The following MED27 variants were observed in gnomAD, a reference collection of about 807,000 sequenced individuals.
The protein encoded by MED27 is mediator complex subunit 27.
A neutral mutation model predicts 38.2 loss-of-function variants in MED27; 30 were observed. The observed-to-expected ratio is 0.79, with a 90% CI of 0.59 to 1.07. MED27 has a LOEUF of 1.07. MED27 is among the 50% of genes least tolerant of loss of function. The pLI is 0.00. For missense variants in MED27, 289 were observed against 397.5 expected, an observed-to-expected ratio of 0.73 and a Z score of 2.32; for synonymous variants, 122 against 153.5, an observed-to-expected ratio of 0.79 and a Z score of 1.52.
At chr9:131,914,863 T>C (rs186002553) in intron 4 of MED27, among the ~76,000 whole-genome samples, 47 of 152,240 alleles carry the variant, frequency 3.1e-4, no homozygotes, top group Non-Finnish European at 6.0e-4. Context: ...GATATGCTTC[T>C]CAGGAAGAAC....
intron 3 of MED27, among the ~76,000 whole-genome samples, chr9:131,941,814 TG>T (rs1830790263): frequency 7.1e-6 from 1 of 140,930 alleles, no homozygotes; most frequent in African/African-American, 2.7e-5. Context: ...CCCATTCTGC[TG>T]AATTTTTTTT....
At chr9:131,894,122 C>T in intron 4 of MED27, 130 bp from the exon 5 acceptor site, 1 of 647,036 alleles carries the variant, frequency 1.5e-6, no homozygotes. Flanking sequence ...GTGGATCCTC[C>T]AGCACTGGAA....
chr9:132,008,127 T>C (rs1405067794), intron 3 of MED27, among the ~76,000 whole-genome samples: 1 of 152,332 alleles, frequency 6.6e-6, no homozygotes, highest in African/African-American at 2.4e-5. Context: ...TGCTAGGCCA[T>C]TCAGCCTGGC....
chr9:131,885,990 T>A (rs948390279), intron 5 of MED27, among the ~76,000 whole-genome samples: 3 of 152,146 alleles, frequency 2.0e-5, no homozygotes, highest in African/African-American at 7.2e-5. Context: ...TAGGCCTGTG[T>A]GGTGTGTGAT....
chr9:131,982,189 A>G lies in MED27; in HGVS notation c.479+32148T>C, dbSNP rs1278924544. Reference sequence around the variant, plus strand: ...TAAACAATAAAACATGGCAGAATTGACATGGTGTCAGTTCCAGGCCTAAGC... The same window carrying G: ...TAAACAATAAAACATGGCAGAATTGGCATGGTGTCAGTTCCAGGCCTAAGC... On this transcript the variant is annotated intron_variant, in intron 3 of 7. Coordinates refer to ENST00000292035, the MANE Select transcript of MED27 (RefSeq NM_004269.4). This position sits in a 1 kb window ranked among gnomAD's most constrained non-coding sequence, Gnocchi z 4.3. 6.6e-6 allele frequency among the ~76,000 whole-genome samples: 1 copy of G among 152,212 alleles called. No individual in the cohort carries two copies. Among genetic ancestry groups the G allele is most frequent in the Non-Finnish European group, 1.5e-5 (1 of 68,042 alleles).
intron 6 of MED27, chr9:131,869,473 C>G (rs1838792732): frequency 1.1e-6 from 1 of 924,814 alleles, no homozygotes; most frequent in African/African-American, 1.8e-5. Context: ...TGCGGCAAAG[C>G]TAATGAGATT....
intron 4 of MED27, among the ~76,000 whole-genome samples, chr9:131,933,323 C>T (rs1830625237): frequency 6.6e-6 from 1 of 152,044 alleles, no homozygotes; most frequent in Non-Finnish European, 1.5e-5. Flanking sequence ...TCAAATTATC[C>T]TTGTTAGCAG....
chr9:131,989,054 T>A (rs1464985007), intron 3 of MED27, among the ~76,000 whole-genome samples: 1 of 152,180 alleles, frequency 6.6e-6, no homozygotes, highest in African/African-American at 2.4e-5. Flanking sequence ...TAGGCAAACC[T>A]AGTTCTGAAG....
chr9:131,966,468 G>C (rs1034378020), intron 3 of MED27, among the ~76,000 whole-genome samples: 6 of 147,612 alleles, frequency 4.1e-5, no homozygotes, highest in Admixed American at 2.1e-4. Context: ...AGATTTCACA[G>C]ACCAGGCAAG....
chr9:132,030,508 G>A (rs542368835), intron 2 of MED27, among the ~76,000 whole-genome samples: 7 of 152,066 alleles, frequency 4.6e-5, no homozygotes, highest in South Asian at 4.2e-4. Context: ...TCTCCCTCCC[G>A]CGACATAATG....
rs913171131 is a variant in MED27 at position 131,913,417 on chromosome 9, G to C, written c.574-19425C>G. ...AACAGTGATAACATCTTCGGCTGACGGGTGAGTGTGAACATCAAATAAATA... is the reference window on the plus strand; with the variant it reads ...AACAGTGATAACATCTTCGGCTGACCGGTGAGTGTGAACATCAAATAAATA... On this transcript the variant is annotated intron_variant, in intron 4 of 7. Coordinates refer to ENST00000292035, the MANE Select transcript of MED27 (RefSeq NM_004269.4). This position sits in a 1 kb window ranked among gnomAD's most constrained non-coding sequence, Gnocchi z 4.5. Among the ~76,000 whole-genome samples, 1 of 152,142 alleles carries C rather than the reference G, an allele frequency of 6.6e-6. No individual in the cohort carries two copies. The highest frequency in any genetic ancestry group is 1.5e-5 in the Non-Finnish European group (1 of 68,028).
intron 4 of MED27, among the ~76,000 whole-genome samples, chr9:131,898,345 C>T (rs568584085): frequency 9.2e-5 from 14 of 152,134 alleles, no homozygotes; most frequent in South Asian, 8.3e-4. Context: ...AGCGATTCTC[C>T]TGCCTCAGCC....
intron 2 of MED27, among the ~76,000 whole-genome samples, chr9:132,024,207 G>A (rs562128464): frequency 6.6e-6 from 1 of 152,302 alleles, no homozygotes; most frequent in Non-Finnish European, 1.5e-5. Context: ...GTTCAATCTT[G>A]TAAGGAGAGA....
chr9:131,999,348 T>G (rs916981422), intron 3 of MED27, among the ~76,000 whole-genome samples: 1 of 152,172 alleles, frequency 6.6e-6, no homozygotes, highest in Non-Finnish European at 1.5e-5. Flanking sequence ...TGTCCATCAA[T>G]GTCAGAGACT....
chr9:131,968,694 A>C (rs777328085), intron 3 of MED27, among the ~76,000 whole-genome samples: 5 of 152,064 alleles, frequency 3.3e-5, no homozygotes, highest in Non-Finnish European at 7.4e-5. Context: ...ACTTGAAAAC[A>C]TTGTATTTGT....
intron 3 of MED27, among the ~76,000 whole-genome samples, chr9:131,966,383 CAAA>C (rs749607968): frequency 8.2e-5 from 3 of 36,774 alleles, no homozygotes; most frequent in African/African-American, 3.2e-4. Flanking sequence ...GACCCTGTCA[CAAA>C]AAAAAAAAAA....
intron 3 of MED27, among the ~76,000 whole-genome samples, chr9:131,943,659 C>T (rs1290774874): frequency 6.6e-6 from 1 of 152,184 alleles, no homozygotes; most frequent in East Asian, 1.9e-4. Flanking sequence ...CTTGAGCAGA[C>T]GCGGCGCGGA....
At chr9:131,958,372 A>G (rs1418897109) in intron 3 of MED27, among the ~76,000 whole-genome samples, 1 of 151,566 alleles carries the variant, frequency 6.6e-6, no homozygotes, top group Non-Finnish European at 1.5e-5. Flanking sequence ...CAGCCTCTTG[A>G]GTAGCTGGGA....
chr9:131,988,910 T>C (rs1831912545), intron 3 of MED27, among the ~76,000 whole-genome samples: 1 of 152,200 alleles, frequency 6.6e-6, no homozygotes, highest in African/African-American at 2.4e-5. Flanking sequence ...ACCCCTGCAT[T>C]GTTCAAAGAT....
Sources: gnomAD v4.1 joint callset for allele counts (sites outside exome capture counted in the v4.1 genomes callset) on GRCh38, gnomAD v4.1.1 for gene constraint, Gnocchi (gnomAD v3.1) non-coding constraint, MANE v1.5 for transcripts, NCBI Gene and HGNC (gene_info 2026-07-23, HGNC 2026-07-21) for gene names.